The following RTEL1 variants were observed in gnomAD, a reference collection of about 807,000 sequenced individuals.
The protein encoded by RTEL1 is regulator of telomere length.
A neutral mutation model predicts 162.2 loss-of-function variants in RTEL1; 86 were observed. That is an observed-to-expected ratio of 0.53 (90% CI 0.45 to 0.63). The LOEUF (loss-of-function observed/expected upper bound fraction) is 0.63, where lower values mean the gene tolerates loss of function less well. Among genes scored for constraint, RTEL1 ranks in the 30% least tolerant of loss-of-function variants. RTEL1 has a pLI of 0.00. For synonymous variants in RTEL1, 958 were observed against 717.9 expected, an observed-to-expected ratio of 1.33 and a Z score of -5.35; for missense variants, 1,941 against 1,750.2, an observed-to-expected ratio of 1.11 and a Z score of -1.95.
chr20:63,694,369 C>T lies in RTEL1; in HGVS notation c.2993-3C>T, dbSNP rs549374952. 3.9e-6 allele frequency: 6 copies of T among 1,540,336 alleles called. No individual in the cohort carries two copies. In the South Asian group the frequency reaches 4.4e-5, roughly 11 times the overall value. ...GCTTTGTGGCTCTACATCTCTTCAT[C>T]AGGAAGAACGGCGCCGGATCCCAAG... On this transcript the variant is annotated splice_polypyrimidine_tract_variant and splice_region_variant and intron_variant, in intron 30 of 34. Coordinates refer to ENST00000360203, the MANE Select transcript of RTEL1 (RefSeq NM_001283009.2).
chr20:63,661,017 A>C lies in RTEL1; in HGVS notation c.103-281A>C, dbSNP rs1042834626. On this transcript the variant is annotated intron_variant, in intron 2 of 34. Transcript: ENST00000360203. The surrounding 1 kb of genome is among the most constrained non-coding windows in gnomAD (Gnocchi z 5.1). ...TTTCCTATTTTGAGACTTGACACCT[A>C]ATTAGTCATCTTACTATTTAAGCTG... is the stretch of plus-strand genomic sequence containing the variant. Among the ~76,000 whole-genome samples, 1 of 152,226 alleles carries C rather than the reference A, an allele frequency of 6.6e-6. No individual in the cohort carries two copies. Among genetic ancestry groups the C allele is most frequent in the Admixed American group, 6.5e-5 (1 of 15,286 alleles).
intron 8 of RTEL1, among the ~76,000 whole-genome samples, chr20:63,671,713 G>A (rs907802166): frequency 6.7e-6 from 1 of 149,448 alleles, no homozygotes; most frequent in African/African-American, 2.5e-5. Flanking sequence ...GGCTGGTCTC[G>A]ATCTCCTGAC....
chr20:63,688,885 A>G, intron 21 of RTEL1, 170 bp from the exon 22 acceptor site: 1 of 712,506 alleles, frequency 1.4e-6, no homozygotes, highest in South Asian at 1.7e-5. Context: ...AGCACTGAGC[A>G]GGCGTGGGGT....
chr20:63,678,417 C>A, intron 12 of RTEL1, 71 bp downstream of exon 12: 1 of 1,426,122 alleles, frequency 7.0e-7, no homozygotes, highest in African/African-American at 1.4e-5. Context: ...TGGTGCAGTC[C>A]TGGGCTGTCA....
chr20:63,695,892 GCTTGATCAC>G lies in RTEL1; in HGVS notation c.*37_*45del. ...GGAGGCCCCCAGCACACCCAACGTGGCTTGATCACCTGCCTGTCCAGCTCTGGTGGGCCA... is the reference window on the plus strand; with the variant it reads ...GGAGGCCCCCAGCACACCCAACGTGGCTGCCTGTCCAGCTCTGGTGGGCCA... On this transcript the variant is annotated 3_prime_UTR_variant, in exon 35 of 35. Transcript: ENST00000360203. 1 of 1,547,912 alleles carries G rather than the reference GCTTGATCAC, an allele frequency of 6.5e-7. No individual in the cohort carries two copies. Among genetic ancestry groups the G allele is most frequent in the Non-Finnish European group, 8.7e-7 (1 of 1,145,346 alleles).
chr20:63,675,074 A>C (rs749938970), intron 10 of RTEL1, among the ~76,000 whole-genome samples: 1 of 151,874 alleles, frequency 6.6e-6, no homozygotes, highest in Non-Finnish European at 1.5e-5. Context: ...CGCCCAGCTA[A>C]TTTTGTATTT....
intron 6 of RTEL1, among the ~76,000 whole-genome samples, chr20:63,663,908 C>T (rs576321010): frequency 6.6e-6 from 1 of 152,236 alleles, no homozygotes; most frequent in South Asian, 2.1e-4. Context: ...GCATGACCCA[C>T]TACCAGGCGT....
chr20:63,685,878 G>A lies in RTEL1; in HGVS notation c.1348+6G>A, dbSNP rs371358328. The A allele has an allele frequency of 1.7e-4, 279 of 1,612,064 alleles. No individual in the cohort carries two copies. The African/African-American group carries it at 3.2e-3, about 18-fold the overall frequency. The stretch of plus-strand genomic sequence containing the variant: ...CACTGCAGCCAGAAAGCGAGGTACA[G>A]ACCTGGGCCCACACGCTCCCCGCCC... On this transcript the variant is annotated splice_donor_region_variant and intron_variant, in intron 16 of 34. Transcript: ENST00000360203.
chr20:63,692,381 G>A (rs529051674), intron 28 of RTEL1: 17 of 236,290 alleles, frequency 7.2e-5, no homozygotes, highest in Non-Finnish European at 1.3e-4. Flanking sequence ...TGGTTTCCAC[G>A]TTTCCGTGTT....
intron 14 of RTEL1, 38 bp downstream of exon 14, chr20:63,680,757 G>A (rs745763805): frequency 2.5e-6 from 4 of 1,612,270 alleles, no homozygotes; most frequent in Admixed American, 1.7e-5. Flanking sequence ...CTTCCCTGAT[G>A]GAAGCCGGGC....
intron 14 of RTEL1, among the ~76,000 whole-genome samples, chr20:63,683,501 A>C (rs1227150388): frequency 6.6e-6 from 1 of 152,266 alleles, no homozygotes; most frequent in Non-Finnish European, 1.5e-5. Flanking sequence ...GTGCACATGC[A>C]TGCAGAGTAC....
chr20:63,678,599 A>ACTCCCACGAACAGCACACACC (rs2090407933), intron 12 of RTEL1, among the ~76,000 whole-genome samples: 1 of 126,734 alleles, frequency 7.9e-6, no homozygotes, highest in African/African-American at 3.1e-5. Flanking sequence ...CAGCACACAC[A>ACTCCCACGAACAGCACACACC]CTCCCACGAA....
intron 8 of RTEL1, 100 bp from the exon 9 acceptor site, chr20:63,672,456 C>G: frequency 1.0e-6 from 1 of 978,252 alleles, no homozygotes; most frequent in East Asian, 2.6e-5. Flanking sequence ...TGTTGCTCAT[C>G]TGCGCTTGTG....
rs115613958 is a variant in RTEL1, at chr20:63,694,901, C to G, written c.3270C>G (p.Asp1090Glu). ...CGCTGACAGCCTATAAGCAAGACGACGACCTCGACAAGGTGCTGGCTGTGT... is the reference window on the plus strand; with the variant it reads ...CGCTGACAGCCTATAAGCAAGACGAGGACCTCGACAAGGTGCTGGCTGTGT... The part of the protein sequence containing the change: ...LAALTAYKQD[D>E]DLDKVLAVLA... The change falls in exon 32 of 35, where the codon GAC (aspartate) becomes GAG (glutamate). Residue 1090 changes from aspartate (D) to glutamate (E), a missense_variant. By Grantham distance (45) the Asp-to-Glu change is conservative. Transcript: ENST00000360203. The G allele has an allele frequency of 6.2e-7, 1 of 1,612,488 alleles. No individual in the cohort carries two copies.
chr20:63,680,688 C>A lies in RTEL1; in HGVS notation c.1160C>A (p.Ala387Asp). 2 of 1,613,318 alleles carry A rather than the reference C, an allele frequency of 1.2e-6. No individual in the cohort carries two copies. The highest frequency in any genetic ancestry group is 1.7e-6 in the Non-Finnish European group (2 of 1,179,988). The change falls in exon 14 of 35, where the codon GCC becomes GAC. Residue 387 changes from alanine (A) to aspartate (D), a missense_variant. By Grantham distance (126) the Ala-to-Asp change is moderately radical. Coordinates refer to ENST00000360203, the MANE Select transcript of RTEL1 (RefSeq NM_001283009.2). ...AGRAGVFTNTAGLQKLADIIQ... is the reference protein window; with the variant it reads ...AGRAGVFTNTDGLQKLADIIQ... Reference sequence around the variant, plus strand: ...GGTGCTGGAGTGTTCACCAACACGGCCGGACTGCAGAAGCTGGCGGACATT... The same window carrying A: ...GGTGCTGGAGTGTTCACCAACACGGACGGACTGCAGAAGCTGGCGGACATT...
rs1020833078 is a variant in RTEL1, at chr20:63,695,451, C to T, written c.3623C>T (p.Pro1208Leu). The T allele has an allele frequency of 7.6e-6, 12 of 1,585,288 alleles. No individual in the cohort carries two copies. The African/African-American group carries it at 1.5e-4, about 19-fold the overall frequency. ...EDAGPSQSSG[P>L]PHGPAASEWG... ...GCAGGTCCCAGCCAGTCCTCAGGAC[C>T]TCCCCACGGGCCTGCAGCATCTGAG... The change falls in exon 34 of 35, where the codon CCT becomes CTT. Residue 1208 changes from proline (P) to leucine (L), a missense_variant. Coordinates refer to ENST00000360203, the MANE Select transcript of RTEL1 (RefSeq NM_001283009.2).
chr20:63,663,203 G>A (rs538264655), intron 6 of RTEL1, among the ~76,000 whole-genome samples: 2 of 152,320 alleles, frequency 1.3e-5, no homozygotes, highest in Admixed American at 1.3e-4. Context: ...AAACAGTAGG[G>A]GTTTTGCTGA....
In RTEL1 at chr20:63,685,545, C is replaced by T. The variant is rs375916694; in HGVS notation, c.1214C>T (p.Ser405Phe). The part of the protein sequence containing the change: ...IIQIVFSVDP[S>F]EGSPGSPAGL... ...CAGATTGTGTTCAGTGTGGACCCCT[C>T]CGAGGGCAGCCCTGGTTCCCCAGCA... The change falls in exon 15 of 35, where the codon TCC (serine) becomes TTC (phenylalanine). Residue 405 changes from serine (S) to phenylalanine (F), a missense_variant. Coordinates refer to ENST00000360203, the MANE Select transcript of RTEL1 (RefSeq NM_001283009.2). 32 of 1,612,312 alleles carry T rather than the reference C, an allele frequency of 2.0e-5. 1 individual carries two copies. Among genetic ancestry groups the T allele is most frequent in the Non-Finnish European group, 2.5e-6 (3 of 1,179,906 alleles).
chr20:63,694,878 C>T lies in RTEL1; in HGVS notation c.3247C>T (p.Leu1083=). The change falls in exon 32 of 35, where the codon CTG becomes TTG. Residue 1083 remains leucine (L), a synonymous_variant. Coordinates refer to ENST00000360203, the MANE Select transcript of RTEL1 (RefSeq NM_001283009.2). The part of the protein sequence containing the change: ...SAGCSQLLAA[L]TAYKQDDDLD... ...GGGCTGTAGCCAACTCTTGGCAGCG[C>T]TGACAGCCTATAAGCAAGACGACGA... 1 of 1,612,686 alleles carries T rather than the reference C, an allele frequency of 6.2e-7. No homozygotes were observed. Among genetic ancestry groups the T allele is most frequent in the Non-Finnish European group, 8.5e-7 (1 of 1,179,872 alleles).
Sources: gnomAD v4.1 joint callset for allele counts (sites outside exome capture counted in the v4.1 genomes callset) on GRCh38, gnomAD v4.1.1 for gene constraint, Gnocchi (gnomAD v3.1) non-coding constraint, MANE v1.5 for transcripts, NCBI Gene and HGNC (gene_info 2026-07-23, HGNC 2026-07-21) for gene names.